The following HK2 variants were observed in gnomAD, a reference collection of about 807,000 sequenced individuals.
HK2 encodes the protein hexokinase 2, also known as hexokinase-2.
HK2 carries 42 observed loss-of-function variants against 92.9 expected under a neutral mutation model. That is an observed-to-expected ratio of 0.45 (90% CI 0.35 to 0.58). The LOEUF (loss-of-function observed/expected upper bound fraction) is 0.58. Ranked by LOEUF, HK2 falls within the 20% of genes least tolerant of loss-of-function variation. HK2 has a pLI of 0.00. For synonymous variants in HK2, 422 were observed against 468.0 expected (o/e 0.90, Z 1.27); for missense variants, 978 against 1,245.1 (o/e 0.79, Z 3.23).
chr2:74,852,598 AC>A (rs547677081), intron 1 of HK2, among the ~76,000 whole-genome samples: 117 of 152,310 alleles, frequency 7.7e-4, no homozygotes, highest in African/African-American at 2.6e-3. Context: ...CTAGTGCCCC[AC>A]AGCCCTGGAG....
chr2:74,868,308 G>A (rs1432021176), intron 3 of HK2, among the ~76,000 whole-genome samples: 1 of 152,124 alleles, frequency 6.6e-6, no homozygotes, highest in Non-Finnish European at 1.5e-5. Flanking sequence ...TTGTCACGTG[G>A]CTCCAGTATA....
chr2:74,839,658 A>ATTTT (rs1328640635), intron 1 of HK2, among the ~76,000 whole-genome samples: 1 of 139,776 alleles, frequency 7.2e-6, no homozygotes, highest in Non-Finnish European at 1.5e-5. Flanking sequence ...AGCCAAAGTC[A>ATTTT]ATTTTTTTTT....
rs1469883548 is a variant in HK2, at chr2:74,873,264, G to A, written c.496-12G>A. ...GTGGGAAATCAATATTCACTTCTTG[G>A]TCCCTTTCCAGAGTTTCCTGGTCTC... On this transcript the variant is annotated splice_polypyrimidine_tract_variant and intron_variant, in intron 4 of 17. Transcript: ENST00000290573. 3 of 1,598,570 alleles carry A rather than the reference G, an allele frequency of 1.9e-6. No individual in the cohort carries two copies.
chr2:74,868,935 T>C (rs77576453), intron 3 of HK2, among the ~76,000 whole-genome samples: 4,035 of 152,300 alleles, frequency 0.026, 162 homozygotes, highest in African/African-American at 0.092. Context: ...GCGTCATCCC[T>C]AGAGCCTGGC....
At chr2:74,858,905 A>G (rs1688751649) in intron 2 of HK2, among the ~76,000 whole-genome samples, 1 of 152,244 alleles carries the variant, frequency 6.6e-6, no homozygotes, top group African/African-American at 2.4e-5. Context: ...GAAATGTTCA[A>G]GGTAAATCGT....
At position 74,850,185 on chromosome 2, in the gene HK2, C is replaced by A. The variant is rs145935474; in HGVS notation, c.64-4108C>A. On this transcript the variant is annotated intron_variant, in intron 1 of 17. Coordinates refer to ENST00000290573, the MANE Select transcript of HK2 (RefSeq NM_000189.5). ...CAGAGGAGAGGGGAAGGTGTTTGAG[C>A]CCCAGCCTTAGAGGTGTCATTTGGT... Among the ~76,000 whole-genome samples the A allele has an allele frequency of 6.5e-3, 991 of 152,326 alleles. 15 individuals carry two copies. Among genetic ancestry groups the A allele is most frequent in the African/African-American group, 0.023 (944 of 41,572 alleles).
chr2:74,842,025 G>C (rs754825152), intron 1 of HK2, among the ~76,000 whole-genome samples: 9 of 152,232 alleles, frequency 5.9e-5, no homozygotes. Context: ...TGCATAACAC[G>C]CAGTGTGAGC....
chr2:74,848,755 C>G (rs746878086), intron 1 of HK2, among the ~76,000 whole-genome samples: 3 of 152,168 alleles, frequency 2.0e-5, no homozygotes, highest in Non-Finnish European at 4.4e-5. Context: ...ATAATTTGAT[C>G]AAGGCCAGGT....
At chr2:74,879,362 G>T (rs1689323696) in intron 9 of HK2, among the ~76,000 whole-genome samples, 1 of 152,138 alleles carries the variant, frequency 6.6e-6, no homozygotes, top group Admixed American at 6.5e-5. Flanking sequence ...CAGGTCATAG[G>T]TACCAGAATA....
At chr2:74,856,253 C>T (rs1017376924) in intron 2 of HK2, among the ~76,000 whole-genome samples, 6 of 152,142 alleles carry the variant, frequency 3.9e-5, no homozygotes, top group Non-Finnish European at 8.8e-5. Context: ...CCCTAAGTGC[C>T]TCTAGGGACC....
chr2:74,891,805 C>T lies in HK2; in HGVS notation c.*864C>T, dbSNP rs573140147. 5 of 152,480 alleles carry T rather than the reference C, an allele frequency of 3.3e-5. No individual in the cohort carries two copies. The highest frequency in any genetic ancestry group is 1.9e-4 in the East Asian group (1 of 5,186). The allele number at this position is 152,480 out of a possible 1,614,324, so 9.4% of individuals were successfully genotyped here. A position where few individuals can be genotyped will look rare whatever the true frequency, so the allele number is the denominator to read the frequency against. On this transcript the variant is annotated 3_prime_UTR_variant, in exon 18 of 18. Coordinates refer to ENST00000290573, the MANE Select transcript of HK2 (RefSeq NM_000189.5). ...GACATGTAATGAATGGTCAGTTGTA[C>T]GTAATGTATTTATATGTTAATTTGT...
At chr2:74,857,054 A>C (rs1202809018) in intron 2 of HK2, among the ~76,000 whole-genome samples, 1 of 152,224 alleles carries the variant, frequency 6.6e-6, no homozygotes, top group Non-Finnish European at 1.5e-5. Context: ...TGAAGCTTGC[A>C]CTGTTTGCAG....
chr2:74,836,804 TAA>T (rs1276953058), intron 1 of HK2, among the ~76,000 whole-genome samples: 2 of 152,174 alleles, frequency 1.3e-5, no homozygotes, highest in Admixed American at 6.5e-5. Flanking sequence ...AAAGAAGAAT[TAA>T]GAGAGAAGAA....
chr2:74,880,009 A>T (rs1178068651), intron 9 of HK2, among the ~76,000 whole-genome samples: 8 of 152,202 alleles, frequency 5.3e-5, no homozygotes, highest in Admixed American at 4.6e-4. Context: ...GTGTGGCTGC[A>T]TGTAGGGGAC....
At chr2:74,838,537 ATTTT>A (rs1278313162) in intron 1 of HK2, among the ~76,000 whole-genome samples, 1 of 126,656 alleles carries the variant, frequency 7.9e-6, no homozygotes, top group Admixed American at 8.2e-5. Flanking sequence ...GATTCTTTCT[ATTTT>A]TTTTTTTTTT....
rs116448676 is a variant in HK2, at chr2:74,859,081, T to G, written c.226+4626T>G. Among the ~76,000 whole-genome samples, 1,025 of 152,370 alleles carry G rather than the reference T, an allele frequency of 6.7e-3. 12 individuals carry two copies. Among genetic ancestry groups the G allele is most frequent in the African/African-American group, 0.023 (976 of 41,586 alleles). On this transcript the variant is annotated intron_variant, in intron 2 of 17. Transcript: ENST00000290573. ...AAATGGTCTCTATTTGTCGTTTTGC[T>G]TCTTTCCCAAACAGTTTTAAGAAGT... is the stretch of plus-strand genomic sequence containing the variant.
chr2:74,875,666 C>G (rs1689212492), intron 7 of HK2, among the ~76,000 whole-genome samples: 1 of 152,172 alleles, frequency 6.6e-6, no homozygotes, highest in African/African-American at 2.4e-5. Context: ...GTTTATTTAT[C>G]TAAGTCACAA....
chr2:74,853,628 G>A (rs1688623336), intron 1 of HK2, among the ~76,000 whole-genome samples: 1 of 151,986 alleles, frequency 6.6e-6, no homozygotes, highest in Non-Finnish European at 1.5e-5. Context: ...TGAGGTGGGA[G>A]GATCACCTGA....
chr2:74,858,007 G>A (rs1184302614), intron 2 of HK2, among the ~76,000 whole-genome samples: 2 of 152,174 alleles, frequency 1.3e-5, no homozygotes, highest in Non-Finnish European at 2.9e-5. Context: ...TCGTTTCTCA[G>A]CCCGTTCATG....
Sources: gnomAD v4.1 joint callset for allele counts (sites outside exome capture counted in the v4.1 genomes callset) on GRCh38, gnomAD v4.1.1 for gene constraint, MANE v1.5 for transcripts, NCBI Gene and HGNC (gene_info 2026-07-23, HGNC 2026-07-21) for gene names.